FHAD1: variants seen among roughly 807,000 people sequenced by gnomAD.
The protein encoded by FHAD1 is forkhead-associated domain-containing protein 1.
In FHAD1, 146 loss-of-function variants were observed where a neutral mutation model predicts 191.3. That is an observed-to-expected ratio of 0.76 (90% CI 0.67 to 0.88). The LOEUF (loss-of-function observed/expected upper bound fraction) is 0.88. Among genes scored for constraint, FHAD1 ranks in the 40% least tolerant of loss-of-function variants. The pLI is 0.00. For missense variants in FHAD1, 1,635 were observed against 1,785.8 expected (o/e 0.92, Z 1.52); for synonymous variants, 616 against 672.3 (o/e 0.92, Z 1.29).
In FHAD1 at chr1:15,397,318, C is replaced by T. The variant is rs1428514600; in HGVS notation, c.4345C>T (p.Leu1449=). Residue 1449 remains leucine (L), a synonymous_variant, in exon 34 of 34, where the codon CTA becomes TTA. Transcript: ENST00000688493. Reference sequence around the variant, plus strand: ...AAAGGTTGGAACCAGAAAAGCCTCCCTAAAGATGGACCAAGAAAGAGAGAT... The same window carrying T: ...AAAGGTTGGAACCAGAAAAGCCTCCTTAAAGATGGACCAAGAAAGAGAGAT... The part of the protein sequence containing the change: ...NSQVGTRKAS[L]KMDQEREMLR... 2 of 1,538,594 alleles carry T rather than the reference C, an allele frequency of 1.3e-6. No individual in the cohort carries two copies. The highest frequency in any genetic ancestry group is 1.2e-5 in the South Asian group (1 of 82,294).
At chr1:15,304,087 A>G (rs1187868993) in intron 6 of FHAD1, among the ~76,000 whole-genome samples, 1 of 152,216 alleles carries the variant, frequency 6.6e-6, no homozygotes, top group Non-Finnish European at 1.5e-5. Flanking sequence ...AGGTTGATTT[A>G]TTGTTCTGAT....
chr1:15,260,990 C>G (rs1650752666), intron 2 of FHAD1, among the ~76,000 whole-genome samples: 1 of 152,194 alleles, frequency 6.6e-6, no homozygotes, highest in Non-Finnish European at 1.5e-5. Context: ...TGCTTGGACT[C>G]TGGCCATAGA....
At position 15,307,855 on chromosome 1, in the gene FHAD1, C is replaced by T. The variant is rs1011446260; in HGVS notation, c.916-758C>T. Among the ~76,000 whole-genome samples the T allele has an allele frequency of 5.9e-5, 9 of 152,104 alleles. No individual in the cohort carries two copies. In the East Asian group the frequency reaches 9.7e-4, roughly 16 times the overall value. Reference sequence around the variant, plus strand: ...ACACCATTCTCCTGCCTCAGCCTCCCGAGTAGCTGGGACTACAGGTGCCCG... The same window carrying T: ...ACACCATTCTCCTGCCTCAGCCTCCTGAGTAGCTGGGACTACAGGTGCCCG... On this transcript the variant is annotated intron_variant, in intron 6 of 33. Transcript: ENST00000688493.
intron 16 of FHAD1, among the ~76,000 whole-genome samples, chr1:15,344,062 C>A (rs1687876420): frequency 6.6e-6 from 1 of 152,164 alleles, no homozygotes; most frequent in Non-Finnish European, 1.5e-5. Flanking sequence ...GTGCACCCTA[C>A]CCTCCTTGCA....
intron 2 of FHAD1, among the ~76,000 whole-genome samples, chr1:15,252,687 C>T (rs1646931552): frequency 6.6e-6 from 1 of 152,224 alleles, no homozygotes; most frequent in South Asian, 2.1e-4. Context: ...CTAGACCTCT[C>T]TTCCTTTCAA....
At chr1:15,383,143 C>G (rs1316511860) in intron 31 of FHAD1, 1 of 471,560 alleles carries the variant, frequency 2.1e-6, no homozygotes, top group South Asian at 1.5e-5. Context: ...CTGAGCCTTG[C>G]TTTCCTCATT....
Position 15,316,566 on chromosome 1 carries a change from C to A in FHAD1, c.1260+99C>A, listed in dbSNP as rs555002092. Reference sequence around the variant, plus strand: ...CTGGGCCATCACTAAGCATGAAGCTCTGGGGCTCTGTGCTTGCTTGTTTAA... The same window carrying A: ...CTGGGCCATCACTAAGCATGAAGCTATGGGGCTCTGTGCTTGCTTGTTTAA... On this transcript the variant is annotated intron_variant, in intron 9 of 33. Coordinates refer to ENST00000688493, the MANE Select transcript of FHAD1 (RefSeq NM_001391957.1). The surrounding 1 kb of genome is among the most constrained non-coding windows in gnomAD (Gnocchi z 4.3). The A allele has an allele frequency of 1.0e-6, 1 of 953,392 alleles. No homozygotes were observed. The highest frequency in any genetic ancestry group is 1.6e-6 in the Non-Finnish European group (1 of 619,244). The allele number at this position is 953,392 out of a possible 1,614,324, so 59.1% of individuals were successfully genotyped here.
At chr1:15,370,675 C>T (rs540618396) in intron 26 of FHAD1, among the ~76,000 whole-genome samples, 2 of 152,246 alleles carry the variant, frequency 1.3e-5, no homozygotes, top group Admixed American at 6.5e-5. Context: ...TTCATTGGGC[C>T]GCCCTGGAAG....
intron 15 of FHAD1, among the ~76,000 whole-genome samples, chr1:15,339,984 T>C (rs1364175747): frequency 6.6e-6 from 1 of 152,120 alleles, no homozygotes; most frequent in Non-Finnish European, 1.5e-5. Flanking sequence ...TGCCACCATG[T>C]GTTGCTAATT....
intron 14 of FHAD1, among the ~76,000 whole-genome samples, chr1:15,331,467 AGT>A (rs1681400320): frequency 3.2e-5 from 2 of 61,764 alleles, no homozygotes; most frequent in African/African-American, 6.1e-5. Context: ...TGGAAGGGTG[AGT>A]GGGTGGGTGG....
chr1:15,391,928 A>G (rs1704160856), intron 33 of FHAD1, among the ~76,000 whole-genome samples: 2 of 152,208 alleles, frequency 1.3e-5, no homozygotes, highest in African/African-American at 2.4e-5. Context: ...TTACTCATCC[A>G]CACACTTGGA....
Position 15,272,376 on chromosome 1 carries a change from C to G in FHAD1, c.147C>G (p.Cys49Trp). 1 of 1,551,736 alleles carries G rather than the reference C, an allele frequency of 6.4e-7. No homozygotes were observed. Among genetic ancestry groups the G allele is most frequent in the Non-Finnish European group, 8.7e-7 (1 of 1,146,984 alleles). Residue 49 changes from cysteine to tryptophan, a missense_variant, in exon 3 of 34, where the codon TGC becomes TGG. Transcript: ENST00000688493. ...TCATTGAATATAACGAGGCGGAGTG[C>G]AGCTTTGTTCTCCAGGACTTCAATT... ...HALIEYNEAE[C>W]SFVLQDFNSR...
chr1:15,244,511 G>T (rs1351218223), upstream of FHAD1, among the ~76,000 whole-genome samples: 1 of 152,128 alleles, frequency 6.6e-6, no homozygotes, highest in African/African-American at 2.4e-5. This position sits in a 1 kb window ranked among gnomAD's most constrained non-coding sequence, Gnocchi z 5.1. Flanking sequence ...AGCATGGAGG[G>T]GTGGTGGTAG....
intron 4 of FHAD1, among the ~76,000 whole-genome samples, chr1:15,294,426 C>T (rs765200829): frequency 6.6e-6 from 1 of 152,174 alleles, no homozygotes; most frequent in African/African-American, 2.4e-5. Flanking sequence ...CAGAGGCTCA[C>T]TCTGTAACCC....
At position 15,312,634 on chromosome 1, in the gene FHAD1, C is replaced by G. The variant is rs530958170; in HGVS notation, c.1040-423C>G. ...CCATGATCGTGCCACTGTACTCCAG[C>G]CTGGGTGACAGAGTAAGACCCTGTC... is the stretch of plus-strand genomic sequence containing the variant. On this transcript the variant is annotated intron_variant, in intron 7 of 33. Transcript: ENST00000688493. This position sits in a 1 kb window ranked among gnomAD's most constrained non-coding sequence, Gnocchi z 4.7. Among the ~76,000 whole-genome samples, 4 of 152,272 alleles carry G rather than the reference C, an allele frequency of 2.6e-5. No homozygotes were observed. The highest frequency in any genetic ancestry group is 9.6e-5 in the African/African-American group (4 of 41,556).
chr1:15,241,752 G>C (rs767985967), intron 1 of FHAD1, among the ~76,000 whole-genome samples: 7 of 152,174 alleles, frequency 4.6e-5, no homozygotes, highest in Non-Finnish European at 7.3e-5. Context: ...GTCATGACTG[G>C]AAGGGGTCAC....
intron 6 of FHAD1, among the ~76,000 whole-genome samples, chr1:15,304,795 A>C (rs1669892881): frequency 6.6e-6 from 1 of 152,104 alleles, no homozygotes; most frequent in African/African-American, 2.4e-5. Flanking sequence ...GGAAGATGTG[A>C]CTGGTGCACG....
upstream of FHAD1, among the ~76,000 whole-genome samples, chr1:15,245,802 G>A (rs1208668756): frequency 2.0e-5 from 3 of 152,176 alleles, no homozygotes; most frequent in Non-Finnish European, 4.4e-5. Flanking sequence ...GCACATTCCT[G>A]GATTATGTCC....
intron 19 of FHAD1, among the ~76,000 whole-genome samples, chr1:15,351,812 T>A (rs1295641575): frequency 8.7e-6 from 1 of 114,944 alleles, no homozygotes; most frequent in Non-Finnish European, 1.7e-5. Context: ...AGGTCTGCAC[T>A]GGGAGATGTG....
Sources: allele counts gnomAD v4.1 joint callset (sites outside exome capture counted in the v4.1 genomes callset), GRCh38; gene constraint gnomAD v4.1.1; non-coding constraint Gnocchi (gnomAD v3.1); transcripts MANE v1.5; gene names NCBI Gene and HGNC (gene_info 2026-07-23, HGNC 2026-07-21).